CAMK2D: variants seen among roughly 807,000 people sequenced by gnomAD.
CAMK2D encodes the protein calcium/calmodulin-dependent protein kinase type II subunit delta.
CAMK2D carries 37 observed loss-of-function variants against 84.0 expected under a neutral mutation model. That is an observed-to-expected ratio of 0.44 (90% CI 0.34 to 0.58). The LOEUF (loss-of-function observed/expected upper bound fraction) is 0.58. CAMK2D is among the 20% of genes least tolerant of loss of function. The pLI is 0.02. For synonymous variants in CAMK2D, 202 were observed against 212.5 expected (o/e 0.95, Z 0.43); for missense variants, 448 against 652.5 (o/e 0.69, Z 3.41).
At chr4:113,741,920 G>C (rs2099593884) in intron 2 of CAMK2D, among the ~76,000 whole-genome samples, 1 of 152,140 alleles carries the variant, frequency 6.6e-6, no homozygotes, top group Non-Finnish European at 1.5e-5. Context: ...CTCACGGTTT[G>C]CTTCTTTTCA....
At chr4:113,646,920 C>T (rs901225058) in intron 3 of CAMK2D, among the ~76,000 whole-genome samples, 3 of 152,156 alleles carry the variant, frequency 2.0e-5, no homozygotes, top group African/African-American at 7.2e-5. Flanking sequence ...AAATGAAAAA[C>T]AAATAACTGC....
intron 5 of CAMK2D, chr4:113,548,592 T>G (rs2098601063): frequency 1.3e-6 from 1 of 782,534 alleles, no homozygotes; most frequent in African/African-American, 1.8e-5. Flanking sequence ...ACCCACCCTC[T>G]GCCCTTTCCC....
intron 12 of CAMK2D, among the ~76,000 whole-genome samples, chr4:113,510,765 T>TGACA (rs1236803948): frequency 6.6e-6 from 1 of 152,196 alleles, no homozygotes; most frequent in Non-Finnish European, 1.5e-5. Flanking sequence ...TGTAATTTCC[T>TGACA]GACATTCATT....
At chr4:113,481,032 C>A (rs183018372) in intron 16 of CAMK2D, among the ~76,000 whole-genome samples, 1 of 152,146 alleles carries the variant, frequency 6.6e-6, no homozygotes, top group African/African-American at 2.4e-5. Context: ...TTATAAATTA[C>A]CCAGTCTGTG....
At chr4:113,500,407 T>C in intron 16 of CAMK2D, 56 bp downstream of exon 16, 3 of 1,055,480 alleles carry the variant, frequency 2.8e-6, no homozygotes, top group Non-Finnish European at 4.2e-6. Flanking sequence ...ACTTTTTTTT[T>C]CATATATATA....
intron 2 of CAMK2D, among the ~76,000 whole-genome samples, chr4:113,705,745 T>G (rs1296515648): frequency 1.3e-5 from 2 of 152,222 alleles, no homozygotes; most frequent in African/African-American, 4.8e-5. Flanking sequence ...TCTTAAAAAT[T>G]GATAGTGAAT....
intron 20 of CAMK2D, among the ~76,000 whole-genome samples, chr4:113,455,276 A>T (rs773547499): frequency 1.3e-5 from 2 of 152,202 alleles, no homozygotes; most frequent in Non-Finnish European, 2.9e-5. Flanking sequence ...GTCAAGTACC[A>T]TTATACTCAG....
chr4:113,457,312 G>A, intron 19 of CAMK2D, 23 bp downstream of exon 19: 8 of 1,612,748 alleles, frequency 5.0e-6, no homozygotes, highest in Non-Finnish European at 6.8e-6. Flanking sequence ...TAACAAAGAA[G>A]CTGACAGCCT....
chr4:113,751,228 CAAAT>C (rs1307932521), intron 2 of CAMK2D, among the ~76,000 whole-genome samples: 5 of 152,080 alleles, frequency 3.3e-5, no homozygotes, highest in Non-Finnish European at 7.4e-5. Context: ...GTATTACTAA[CAAAT>C]AACCCTCAGC....
intron 16 of CAMK2D, among the ~76,000 whole-genome samples, chr4:113,468,884 G>A (rs1027460349): frequency 5.9e-5 from 9 of 152,186 alleles, no homozygotes; most frequent in African/African-American, 2.2e-4. Context: ...ATCGCAGGAA[G>A]CTGTTTACCT....
chr4:113,542,071 T>C (rs933205371), intron 6 of CAMK2D, among the ~76,000 whole-genome samples: 1 of 152,236 alleles, frequency 6.6e-6, no homozygotes, highest in African/African-American at 2.4e-5. Context: ...AATCCTTCTG[T>C]ATTCCATTCC....
At chr4:113,754,722 G>A (rs1172815172) in intron 2 of CAMK2D, 1 of 979,146 alleles carries the variant, frequency 1.0e-6, no homozygotes, top group Non-Finnish European at 1.2e-6. Context: ...TAGTTCTGAA[G>A]AGCAGTAATG....
chr4:113,625,576 A>G (rs921294783), intron 3 of CAMK2D, among the ~76,000 whole-genome samples: 2 of 152,158 alleles, frequency 1.3e-5, no homozygotes, highest in Non-Finnish European at 2.9e-5. Flanking sequence ...ATCCTATAGC[A>G]AGACTTTACT....
chr4:113,738,387 A>T (rs2099585953), intron 2 of CAMK2D, among the ~76,000 whole-genome samples: 1 of 152,170 alleles, frequency 6.6e-6, no homozygotes, highest in South Asian at 2.1e-4. Context: ...GGTTTCATGC[A>T]GCTGTTTAAA....
chr4:113,552,351 G>A (rs17592454), intron 4 of CAMK2D, among the ~76,000 whole-genome samples: 1,763 of 152,092 alleles, frequency 0.012, 28 homozygotes, highest in African/African-American at 0.037. Flanking sequence ...AATATCTTTC[G>A]CAGAAAATGG....
intron 6 of CAMK2D, among the ~76,000 whole-genome samples, chr4:113,540,926 A>G (rs1243990812): frequency 6.6e-6 from 1 of 152,194 alleles, no homozygotes; most frequent in African/African-American, 2.4e-5. Flanking sequence ...ATTCTTACAC[A>G]TAGGTTCCTT....
intron 4 of CAMK2D, among the ~76,000 whole-genome samples, chr4:113,571,132 A>G (rs184361705): frequency 2.0e-5 from 3 of 152,324 alleles, no homozygotes; most frequent in Admixed American, 2.0e-4. Flanking sequence ...TACTATCTAA[A>G]ACACAAAAGA....
intron 4 of CAMK2D, among the ~76,000 whole-genome samples, chr4:113,578,099 T>C (rs972500961): frequency 2.6e-5 from 4 of 152,208 alleles, no homozygotes; most frequent in Non-Finnish European, 4.4e-5. Flanking sequence ...TTAAATTAGA[T>C]GCTTTGTACC....
chr4:113,740,506 T>C (rs2099590365), intron 2 of CAMK2D, among the ~76,000 whole-genome samples: 1 of 152,046 alleles, frequency 6.6e-6, no homozygotes, highest in Non-Finnish European at 1.5e-5. Flanking sequence ...GAATGATGAA[T>C]CATTGCTAAT....
Sources: allele counts gnomAD v4.1 joint callset (sites outside exome capture counted in the v4.1 genomes callset), GRCh38; gene constraint gnomAD v4.1.1; transcripts MANE v1.5; gene names NCBI Gene and HGNC (gene_info 2026-07-23, HGNC 2026-07-21).